Variants in DGCR2 observed in about 807,000 individuals in gnomAD.
The protein encoded by DGCR2 is DiGeorge syndrome critical region gene 2, also known as integral membrane protein DGCR2/IDD.
In DGCR2, 24 loss-of-function variants were observed where a neutral mutation model predicts 51.6. The ratio of observed to expected loss-of-function variants is 0.47; its 90% confidence interval spans 0.34 to 0.65. The LOEUF (loss-of-function observed/expected upper bound fraction) is 0.65. Among genes scored for constraint, DGCR2 ranks in the 30% least tolerant of loss-of-function variants. The pLI is 0.01. For missense variants in DGCR2, 765 were observed against 772.1 expected (o/e 0.99, Z 0.11); for synonymous variants, 340 against 315.4 (o/e 1.08, Z -0.82).
intron 5 of DGCR2, among the ~76,000 whole-genome samples, chr22:19,062,779 A>ATTCTCTCTCTCTCTCTCTCTCTCT: frequency 1.6e-5 from 2 of 127,354 alleles, no homozygotes; most frequent in Non-Finnish European, 1.8e-5. Flanking sequence ...ATGCATGCTC[A>ATTCTCTCTCTCTCTCTCTCTCTCT]CTCTCTCTCT....
chr22:19,047,783 T>G (rs556204485), intron 7 of DGCR2: 86 of 152,986 alleles, frequency 5.6e-4, no homozygotes, highest in African/African-American at 2.0e-3. Context: ...GAATAATACT[T>G]CATCTTTTTC....
intron 4 of DGCR2, 90 bp from the exon 5 acceptor site, chr22:19,063,368 GTC>G: frequency 8.5e-7 from 1 of 1,178,954 alleles, no homozygotes; most frequent in Non-Finnish European, 1.2e-6. Flanking sequence ...TTGAGACAGA[GTC>G]TCGCTCTGTC....
rs953355847 is a variant in DGCR2 at position 19,063,343 on chromosome 22, T to G, written c.549-65A>C. On this transcript the variant is annotated intron_variant, in intron 4 of 9. Transcript: ENST00000263196. ...GGAGGGATGCAACCATCAATGACTG[T>G]GTGTTTTTTGTTTTTTGAGACAGAG... 1.2e-5 allele frequency: 18 copies of G among 1,507,448 alleles called. No individual in the cohort carries two copies. In the South Asian group the frequency reaches 1.8e-4, roughly 15 times the overall value. The allele number at this position is 1,507,448 out of a possible 1,614,324, so 93.4% of individuals were successfully genotyped here. A position where few individuals can be genotyped will look rare whatever the true frequency, so the allele number is the denominator to read the frequency against.
rs540895943 is a variant in DGCR2 at position 19,122,375 on chromosome 22, C to T, written c.-169G>A. 695 of 495,182 alleles carry T rather than the reference C, an allele frequency of 1.4e-3. 5 individuals carry two copies. The highest frequency in any genetic ancestry group is 7.4e-3 in the Middle Eastern group (13 of 1,758). The allele number at this position is 495,182 out of a possible 1,614,324, so 30.7% of individuals were successfully genotyped here. On this transcript the variant is annotated 5_prime_UTR_variant, in exon 1 of 10. Transcript: ENST00000263196. ...GCCGCGGGCTGGCGCACACTCTCGG[C>T]TGCAACCTCAGGCACCGACTCCAGC...
chr22:19,109,737 ATGAAC>A (rs1370502109), intron 1 of DGCR2, among the ~76,000 whole-genome samples: 2 of 152,220 alleles, frequency 1.3e-5, no homozygotes, highest in Admixed American at 6.5e-5. Context: ...TGAACACTGA[ATGAAC>A]TGAACACTGA....
At chr22:19,043,478 C>T (rs2082455469) in intron 7 of DGCR2, among the ~76,000 whole-genome samples, 1 of 152,176 alleles carries the variant, frequency 6.6e-6, no homozygotes, top group South Asian at 2.1e-4. Flanking sequence ...GTTCCATGCA[C>T]TCCTGACTTG....
chr22:19,121,659 C>G (rs1247960416), intron 1 of DGCR2: 2 of 152,608 alleles, frequency 1.3e-5, no homozygotes, highest in African/African-American at 4.8e-5. Context: ...CCTCTAGGCC[C>G]GGTGGGACCT....
chr22:19,087,579 T>C (rs545735678), intron 2 of DGCR2, among the ~76,000 whole-genome samples: 1 of 152,234 alleles, frequency 6.6e-6, no homozygotes, highest in South Asian at 2.1e-4. Flanking sequence ...GATTTCACGA[T>C]GTCAGCCAGA....
intron 4 of DGCR2, among the ~76,000 whole-genome samples, chr22:19,063,566 G>A (rs908546847): frequency 6.7e-6 from 1 of 150,370 alleles, no homozygotes; most frequent in Non-Finnish European, 1.5e-5. Context: ...GGCCAGGATG[G>A]TCTCGATCTC....
intron 1 of DGCR2, among the ~76,000 whole-genome samples, chr22:19,120,545 G>T (rs1264925680): frequency 6.6e-6 from 1 of 152,196 alleles, no homozygotes; most frequent in Non-Finnish European, 1.5e-5. Flanking sequence ...CAGTTGGCAG[G>T]CTATGTGAAA....
At chr22:19,065,875 T>C (rs2082742255) in intron 3 of DGCR2, 1 of 152,238 alleles carries the variant, frequency 6.6e-6, no homozygotes, top group Non-Finnish European at 1.5e-5. Flanking sequence ...AAATTAAAAA[T>C]GCCATTTTTA....
rs116231861 is a variant in DGCR2, at chr22:19,089,563, T to A, written c.80-73A>T. Reference sequence around the variant, plus strand: ...AGCAAACCATAGCCCATGGGCTGGATCAATCTCTTCCCATTTGTTTGTTTG... The same window carrying A: ...AGCAAACCATAGCCCATGGGCTGGAACAATCTCTTCCCATTTGTTTGTTTG... On this transcript the variant is annotated intron_variant, in intron 1 of 9. Transcript: ENST00000263196. 2.0e-3 allele frequency: 2,741 copies of A among 1,378,826 alleles called. 45 individuals are homozygous for A. In the African/African-American group the frequency reaches 0.037, roughly 19 times the overall value. The allele number at this position is 1,378,826 out of a possible 1,614,324, so 85.4% of individuals were successfully genotyped here.
At chr22:19,117,575 T>G (rs1051057743) in intron 1 of DGCR2, among the ~76,000 whole-genome samples, 29 of 152,124 alleles carry the variant, frequency 1.9e-4, no homozygotes, top group Admixed American at 1.3e-4. Context: ...CAACTTATTC[T>G]CAAATGGTTC....
chr22:19,041,338 G>A (rs973712977), intron 8 of DGCR2, 44 bp from the exon 9 acceptor site: 34 of 1,588,126 alleles, frequency 2.1e-5, no homozygotes, highest in Non-Finnish European at 2.9e-5. Context: ...ACAAGTCACT[G>A]GGGGCAGGCT....
At chr22:19,099,727 T>C (rs567782717) in intron 1 of DGCR2, among the ~76,000 whole-genome samples, 2 of 151,878 alleles carry the variant, frequency 1.3e-5, no homozygotes, top group Admixed American at 6.5e-5. Context: ...TCCCAGCACT[T>C]TGGGAGGCCA....
chr22:19,108,569 T>TAAAAAAAAAAAAAAAA (rs55803042), intron 1 of DGCR2, among the ~76,000 whole-genome samples: 1 of 90,720 alleles, frequency 1.1e-5, no homozygotes, highest in African/African-American at 3.7e-5. Context: ...AGAATTTATC[T>TAAAAAAAAAAAAAAAA]AAAAAAAAAA....
rs115609745 is a variant in DGCR2 at position 19,104,106 on chromosome 22, T to C, written c.80-14616A>G. 3.3e-3 allele frequency among the ~76,000 whole-genome samples: 501 copies of C among 152,126 alleles called. 2 individuals carry two copies. Among genetic ancestry groups the C allele is most frequent in the African/African-American group, 0.012 (488 of 41,482 alleles). On this transcript the variant is annotated intron_variant, in intron 1 of 9. Transcript: ENST00000263196. ...AGCAATGATGTCATCACATATCAAA[T>C]AGTGTCTGGAAATGCTACCTTATGC...
At position 19,118,395 on chromosome 22, in the gene DGCR2, A is replaced by C. The variant is rs527573153; in HGVS notation, c.79+3733T>G. Among the ~76,000 whole-genome samples, 1,453 of 149,996 alleles carry C rather than the reference A, an allele frequency of 9.7e-3. 10 individuals are homozygous for C. The highest frequency in any genetic ancestry group is 0.034 in the African/African-American group (1,338 of 39,858). Reference sequence around the variant, plus strand: ...CAAACAAAAAAAAAAAAAAAAAAAAAAAACAACTCTGGACTCCAGAGCCAA... The same window carrying C: ...CAAACAAAAAAAAAAAAAAAAAAAACAAACAACTCTGGACTCCAGAGCCAA... On this transcript the variant is annotated intron_variant, in intron 1 of 9. Coordinates refer to ENST00000263196, the MANE Select transcript of DGCR2 (RefSeq NM_005137.3).
At position 19,039,078 on chromosome 22, in the gene DGCR2, A is replaced by G; in HGVS notation, c.1440T>C (p.Pro480=). 1 of 1,613,164 alleles carries G rather than the reference A, an allele frequency of 6.2e-7. No homozygotes were observed. The highest frequency in any genetic ancestry group is 8.5e-7 in the Non-Finnish European group (1 of 1,179,980). Residue 480 remains proline, a synonymous_variant, in exon 10 of 10, where the codon CCT becomes CCC. Transcript: ENST00000263196. The part of the protein sequence containing the change: ...FEPVEVSLPA[P]GDGGSEGALL... ...ATGCACCTTCACTCCCACCATCCCCAGGGGCTGGCAGGCTGACCTCCACAG... is the reference window on the plus strand; with the variant it reads ...ATGCACCTTCACTCCCACCATCCCCGGGGGCTGGCAGGCTGACCTCCACAG...
Sources: allele counts gnomAD v4.1 joint callset (sites outside exome capture counted in the v4.1 genomes callset), GRCh38; gene constraint gnomAD v4.1.1; transcripts MANE v1.5; gene names NCBI Gene and HGNC (gene_info 2026-07-23, HGNC 2026-07-21).